ZHX1: variants seen among roughly 807,000 people sequenced by gnomAD.
The protein encoded by ZHX1 is zinc fingers and homeoboxes protein 1.
A neutral mutation model predicts 61.8 loss-of-function variants in ZHX1; 20 were observed. The ratio of observed to expected loss-of-function variants is 0.32; its 90% CI spans 0.23 to 0.47. The LOEUF is 0.47. Among genes scored for constraint, ZHX1 ranks in the 20% least tolerant of loss-of-function variants. The pLI is 1.00. For synonymous variants in ZHX1, 318 were observed against 352.6 expected (o/e 0.90, Z 1.10); for missense variants, 800 against 1,034.8 (o/e 0.77, Z 3.11).
chr8:123,263,775 A>C (rs993822662), intron 2 of ZHX1, among the ~76,000 whole-genome samples: 8 of 152,094 alleles, frequency 5.3e-5, no homozygotes, highest in Admixed American at 3.3e-4. Flanking sequence ...CAGAGGTTGC[A>C]GTGAGCCGAG....
Position 123,254,736 on chromosome 8 carries a change from G to A in ZHX1, c.1211C>T (p.Thr404Ile), listed in dbSNP as rs1272966841. ...AGGTGCTGTAACTGGCAAGGTGTTT[G>A]TTCCAGCCACTTGAGTAAGGACCAG... is the stretch of plus-strand genomic sequence containing the variant. ...PGLVLTQVAG[T>I]NTLPVTAPIA... The change falls in exon 3 of 4, where the codon ACA (threonine) becomes ATA (isoleucine). Residue 404 changes from threonine (T) to isoleucine (I), a missense_variant. Thr to Ile is a moderately conservative substitution (Grantham distance 89). Transcript: ENST00000395571. This position sits in a 1 kb window ranked among gnomAD's most constrained non-coding sequence, Gnocchi z 4.1. 6.2e-7 allele frequency: 1 copy of A among 1,614,156 alleles called. No individual in the cohort carries two copies. The highest frequency in any genetic ancestry group is 1.1e-5 in the South Asian group (1 of 91,088).
intron 3 of ZHX1, among the ~76,000 whole-genome samples, chr8:123,251,270 A>T (rs1825912079): frequency 6.6e-6 from 1 of 152,166 alleles, no homozygotes; most frequent in Non-Finnish European, 1.5e-5. Flanking sequence ...GGGGCCTCCC[A>T]GTCATGCTTC....
upstream of ZHX1, chr8:123,275,487 T>C (rs942296142): frequency 1.3e-5 from 2 of 151,938 alleles, no homozygotes; most frequent in African/African-American, 2.4e-5. Flanking sequence ...AGAGCTCCGC[T>C]GAGCCACATT....
Position 123,253,830 on chromosome 8 carries a change from C to T in ZHX1, c.2117G>A (p.Ser706Asn). 6.2e-7 allele frequency: 1 copy of T among 1,614,206 alleles called. No homozygotes were observed. Among genetic ancestry groups the T allele is most frequent in the Non-Finnish European group, 8.5e-7 (1 of 1,180,042 alleles). The change falls in exon 3 of 4, where the codon AGT becomes AAT. Residue 706 changes from serine to asparagine, a missense_variant. By Grantham distance (46) the Ser-to-Asn change is conservative (BLOSUM62 1). Transcript: ENST00000395571. ...ESGLARTDIVSWFGDTRYAWK... is the reference protein window; with the variant it reads ...ESGLARTDIVNWFGDTRYAWK... ...AGCATAACGGGTGTCCCCAAACCAA[C>T]TAACTATGTCTGTTCTAGCAAGCCC...
chr8:123,270,537 T>A (rs1826613395), intron 1 of ZHX1, among the ~76,000 whole-genome samples: 1 of 152,018 alleles, frequency 6.6e-6, no homozygotes, highest in African/African-American at 2.4e-5. Context: ...TCCCAGCATG[T>A]TGGGAGGCCA....
chr8:123,274,698 G>A (rs1826789673), upstream of ZHX1, among the ~76,000 whole-genome samples: 1 of 151,518 alleles, frequency 6.6e-6, no homozygotes, highest in Admixed American at 6.6e-5. Context: ...GGCTCGAAAT[G>A]GCCCCGCCCT....
At chr8:123,272,700 T>G (rs965113409) in intron 1 of ZHX1, among the ~76,000 whole-genome samples, 1 of 152,126 alleles carries the variant, frequency 6.6e-6, no homozygotes, top group Non-Finnish European at 1.5e-5. Flanking sequence ...TGAGAAACAA[T>G]GACCAACACC....
intron 1 of ZHX1, among the ~76,000 whole-genome samples, chr8:123,273,389 T>C (rs1488638182): frequency 6.6e-6 from 1 of 152,204 alleles, no homozygotes; most frequent in Admixed American, 6.5e-5. Flanking sequence ...GAGGTATTAG[T>C]AGATTGTTCA....
intron 1 of ZHX1, among the ~76,000 whole-genome samples, chr8:123,272,868 A>G (rs752848718): frequency 2.6e-5 from 4 of 152,158 alleles, no homozygotes; most frequent in Non-Finnish European, 5.9e-5. Flanking sequence ...CTGCTATCAC[A>G]TTAACCTCCA....
rs999435573 is a variant in ZHX1, at chr8:123,254,157, T to A, written c.1790A>T (p.Glu597Val). The A allele has an allele frequency of 6.2e-7, 1 of 1,614,054 alleles. No homozygotes were observed. The highest frequency in any genetic ancestry group is 1.3e-5 in the African/African-American group (1 of 74,928). The part of the protein sequence containing the change: ...FLNSSVLTDE[E>V]LNRLRAQTKL... ...GGTTTGTGCCCTTAACCTATTTAAT[T>A]CTTCATCTGTAAGTACAGAGCTGTT... is the stretch of plus-strand genomic sequence containing the variant. The change falls in exon 3 of 4, where the codon GAA becomes GTA. Residue 597 changes from glutamate (E) to valine (V), a missense_variant. By Grantham distance (121) the Glu-to-Val change is moderately radical. Coordinates refer to ENST00000395571, the MANE Select transcript of ZHX1 (RefSeq NM_007222.5). This position sits in a 1 kb window ranked among gnomAD's most constrained non-coding sequence, Gnocchi z 4.1.
chr8:123,256,549 T>C (rs1586824362), intron 2 of ZHX1, among the ~76,000 whole-genome samples: 1 of 152,206 alleles, frequency 6.6e-6, no homozygotes, highest in Non-Finnish European at 1.5e-5. Context: ...ATTATGGCCA[T>C]TAAGTGTGTA....
At chr8:123,264,257 T>C (rs1826378275) in intron 2 of ZHX1, among the ~76,000 whole-genome samples, 1 of 152,224 alleles carries the variant, frequency 6.6e-6, no homozygotes, top group African/African-American at 2.4e-5. Flanking sequence ...TCATTACTTC[T>C]CTGTTTTATG....
intron 1 of ZHX1, 103 bp from the exon 2 acceptor site, chr8:123,267,489 A>G (rs1291442069): frequency 2.5e-6 from 1 of 399,360 alleles, no homozygotes; most frequent in Non-Finnish European, 4.4e-6. Context: ...TGTAATTTTG[A>G]AAAAAAAAGT....
At chr8:123,260,699 T>C (rs1234096989) in intron 2 of ZHX1, among the ~76,000 whole-genome samples, 3 of 152,102 alleles carry the variant, frequency 2.0e-5, no homozygotes, top group African/African-American at 4.8e-5. Context: ...CATTGAGCCA[T>C]TGCTCAGCCA....
At chr8:123,259,848 C>T (rs955408019) in intron 2 of ZHX1, among the ~76,000 whole-genome samples, 1 of 152,120 alleles carries the variant, frequency 6.6e-6, no homozygotes, top group Non-Finnish European at 1.5e-5. Context: ...TGAGAAATCC[C>T]AGGTCAAAAC....
At position 123,253,522 on chromosome 8, in the gene ZHX1, T is replaced by A. The variant is rs748131999; in HGVS notation, c.2425A>T (p.Met809Leu). ...CACTCTCTGACCTGCTCATAGCCCA[T>A]ATGTGATTTGTTAACAAGTTCATCA... ...DLDELVNKSH[M>L]GYEQVREWFA... Residue 809 changes from methionine to leucine, a missense_variant, in exon 3 of 4, where the codon ATG (methionine) becomes TTG (leucine). Physicochemically the swap from Met to Leu is conservative, Grantham distance 15. Transcript: ENST00000395571. The A allele has an allele frequency of 6.2e-7, 1 of 1,614,190 alleles. No homozygotes were observed. Among genetic ancestry groups the A allele is most frequent in the Admixed American group, 1.7e-5 (1 of 60,020 alleles).
At chr8:123,261,469 T>A (rs1826264328) in intron 2 of ZHX1, among the ~76,000 whole-genome samples, 1 of 152,142 alleles carries the variant, frequency 6.6e-6, no homozygotes, top group Admixed American at 6.5e-5. Flanking sequence ...TTGTTGAATG[T>A]CAACCACATG....
chr8:123,259,950 G>C (rs1188456141), intron 2 of ZHX1, among the ~76,000 whole-genome samples: 1 of 152,046 alleles, frequency 6.6e-6, no homozygotes, highest in Non-Finnish European at 1.5e-5. Flanking sequence ...ACAAGGTCAG[G>C]AGATCAACCA....
chr8:123,262,864 A>C (rs1826319257), intron 2 of ZHX1: 2 of 152,034 alleles, frequency 1.3e-5, no homozygotes, highest in African/African-American at 4.8e-5. Context: ...CACAGCACAA[A>C]TACTAAAATT....
Sources: allele counts gnomAD v4.1 joint callset (sites outside exome capture counted in the v4.1 genomes callset), GRCh38; gene constraint gnomAD v4.1.1; non-coding constraint Gnocchi (gnomAD v3.1); transcripts MANE v1.5; gene names NCBI Gene and HGNC (gene_info 2026-07-23, HGNC 2026-07-21).